The following CDH18 variants were observed in gnomAD, a reference collection of about 807,000 sequenced individuals.
CDH18 encodes cadherin-18.
In CDH18, 31 loss-of-function variants were observed where a neutral mutation model predicts 67.9. The observed-to-expected ratio is 0.46, with a 90% CI of 0.34 to 0.62. The LOEUF (loss-of-function observed/expected upper bound fraction) is 0.62, where lower values mean the gene tolerates loss of function less well. CDH18 is among the 20% of genes least tolerant of loss of function. The pLI is 0.01. For missense variants in CDH18, 890 were observed against 975.5 expected, an observed-to-expected ratio of 0.91 and a Z score of 1.17; for synonymous variants, 362 against 347.2, an observed-to-expected ratio of 1.04 and a Z score of -0.48.
At position 19,551,148 on chromosome 5, in the gene CDH18, C is replaced by T. The variant is rs182553309; in HGVS notation, c.1254-7143G>A. ...GATGTTTGGATTGTAAGAGCACAGA[C>T]TTTTAAAGATAAATGAAGAAGCAAG... On this transcript the variant is annotated intron_variant, in intron 8 of 12. Transcript: ENST00000382275. Among the ~76,000 whole-genome samples the T allele has an allele frequency of 3.5e-4, 53 of 152,196 alleles. No homozygotes were observed. In the East Asian group the frequency reaches 0.01, roughly 29 times the overall value.
intron 1 of CDH18, among the ~76,000 whole-genome samples, chr5:20,370,952 G>C (rs746529934): frequency 6.6e-6 from 1 of 151,716 alleles, no homozygotes; most frequent in Non-Finnish European, 1.5e-5. Flanking sequence ...CAGGATAATC[G>C]TTTGAACCTG....
At chr5:19,749,380 G>T (rs1770533748) in intron 3 of CDH18, among the ~76,000 whole-genome samples, 1 of 151,224 alleles carries the variant, frequency 6.6e-6, no homozygotes, top group Admixed American at 6.6e-5. Context: ...AAACATTTTT[G>T]CAGAATGTGT....
chr5:19,921,393 T>A (rs1450031686), intron 2 of CDH18, among the ~76,000 whole-genome samples: 7 of 151,684 alleles, frequency 4.6e-5, no homozygotes, highest in African/African-American at 1.7e-4. Context: ...TAGCCAGGAG[T>A]GGTGGCGGGC....
At chr5:19,530,710 T>C (rs191986381) in intron 9 of CDH18, among the ~76,000 whole-genome samples, 1 of 152,326 alleles carries the variant, frequency 6.6e-6, no homozygotes, top group African/African-American at 2.4e-5. Context: ...TGGGATAGTT[T>C]GCTGAGAATG....
chr5:20,467,293 A>G (rs1751701806), intron 1 of CDH18, among the ~76,000 whole-genome samples: 1 of 151,748 alleles, frequency 6.6e-6, no homozygotes, highest in South Asian at 2.1e-4. Context: ...TAATTTTAAT[A>G]TATAGTCAAT....
At chr5:19,476,124 G>A (rs1738421043) in intron 12 of CDH18, among the ~76,000 whole-genome samples, 1 of 151,942 alleles carries the variant, frequency 6.6e-6, no homozygotes, top group Non-Finnish European at 1.5e-5. Context: ...CAGAGGAAAG[G>A]CAAATGGGAG....
At chr5:20,049,806 C>G (rs186419818) in intron 2 of CDH18, among the ~76,000 whole-genome samples, 1 of 151,704 alleles carries the variant, frequency 6.6e-6, no homozygotes, top group African/African-American at 2.4e-5. Context: ...GACTTCAAAG[C>G]TTACCAAATG....
chr5:19,857,513 AC>A (rs1249545812), intron 2 of CDH18, among the ~76,000 whole-genome samples: 1 of 152,172 alleles, frequency 6.6e-6, no homozygotes, highest in African/African-American at 2.4e-5. Context: ...CACAGACATA[AC>A]ACAGACATAC....
At chr5:20,419,910 G>GA (rs942501256) in intron 1 of CDH18, among the ~76,000 whole-genome samples, 3 of 150,652 alleles carry the variant, frequency 2.0e-5, no homozygotes, top group Admixed American at 6.6e-5. Flanking sequence ...TAATTGTTCA[G>GA]AAAAAACGAC....
chr5:20,498,112 T>G (rs998695205), intron 1 of CDH18, among the ~76,000 whole-genome samples: 2 of 152,134 alleles, frequency 1.3e-5, no homozygotes, highest in African/African-American at 4.8e-5. Flanking sequence ...ATTTTTTGGT[T>G]GTTTATAAGC....
chr5:20,088,710 C>A (rs1360376420), intron 2 of CDH18, among the ~76,000 whole-genome samples: 2 of 152,118 alleles, frequency 1.3e-5, no homozygotes, highest in East Asian at 3.9e-4. Flanking sequence ...ATTATTTAAG[C>A]CTTTTTTTCA....
At chr5:19,827,319 T>G (rs2149976988) in intron 3 of CDH18, among the ~76,000 whole-genome samples, 1 of 127,898 alleles carries the variant, frequency 7.8e-6, no homozygotes, top group Admixed American at 8.4e-5. Context: ...TCGGACAAGT[T>G]ATCAAGGCAA....
At chr5:19,940,232 T>A (rs1303582967) in intron 2 of CDH18, among the ~76,000 whole-genome samples, 1 of 151,254 alleles carries the variant, frequency 6.6e-6, no homozygotes, top group Admixed American at 6.6e-5. Context: ...AAAGTAAATA[T>A]TTATAGTATT....
chr5:20,296,550 C>T (rs911938011), intron 1 of CDH18, among the ~76,000 whole-genome samples: 8 of 152,036 alleles, frequency 5.3e-5, no homozygotes, highest in Admixed American at 2.0e-4. Flanking sequence ...CGTGAGCCAC[C>T]GCCCCCGGCC....
chr5:20,376,111 T>TTTTTTTTTTTTTTTTTTTTA (rs1191167531), intron 1 of CDH18, among the ~76,000 whole-genome samples: 1 of 133,402 alleles, frequency 7.5e-6, no homozygotes. Flanking sequence ...TTTTTTTTTT[T>TTTTTTTTTTTTTTTTTTTTA]GAGACGGAGT....
chr5:20,215,134 G>A (rs1158006495), intron 2 of CDH18, among the ~76,000 whole-genome samples: 1 of 151,958 alleles, frequency 6.6e-6, no homozygotes, highest in African/African-American at 2.4e-5. Context: ...AAACCACAGT[G>A]AGATACAACC....
At chr5:20,238,064 T>C (rs60142634) in intron 2 of CDH18, among the ~76,000 whole-genome samples, 4,073 of 152,026 alleles carry the variant, frequency 0.027, 188 homozygotes, top group African/African-American at 0.092. Flanking sequence ...ATGGTAATCA[T>C]TGTAACAAAC....
At chr5:20,519,273 T>C (rs909207362) in intron 1 of CDH18, among the ~76,000 whole-genome samples, 2 of 152,180 alleles carry the variant, frequency 1.3e-5, no homozygotes, top group African/African-American at 4.8e-5. Context: ...ATATACACCA[T>C]GGAATACTAT....
intron 1 of CDH18, among the ~76,000 whole-genome samples, chr5:20,505,505 CTT>C (rs1754604180): frequency 6.6e-6 from 1 of 152,106 alleles, no homozygotes; most frequent in Non-Finnish European, 1.5e-5. Flanking sequence ...TCAAATATGA[CTT>C]AATGTTAGAC....
Sources: allele counts gnomAD v4.1 joint callset (sites outside exome capture counted in the v4.1 genomes callset), GRCh38; gene constraint gnomAD v4.1.1; transcripts MANE v1.5; gene names NCBI Gene and HGNC (gene_info 2026-07-23, HGNC 2026-07-21).